The following ANKAR variants were observed in gnomAD, a reference collection of about 807,000 sequenced individuals.
ANKAR encodes ankyrin and armadillo repeat containing.
Under a neutral mutation model 146.2 loss-of-function variants are expected in ANKAR, and 136 were observed. The ratio of observed to expected loss-of-function variants is 0.93; its 90% CI spans 0.81 to 1.07. The LOEUF is 1.07. Ranked by LOEUF, ANKAR falls within the 50% of genes least tolerant of loss-of-function variation. The pLI is 0.00. For missense variants in ANKAR, 1,567 were observed against 1,679.9 expected, an observed-to-expected ratio of 0.93 and a Z score of 1.18; for synonymous variants, 500 against 575.8, an observed-to-expected ratio of 0.87 and a Z score of 1.88.
At chr2:189,679,851 G>A (rs944342891) in intron 2 of ANKAR, among the ~76,000 whole-genome samples, 13 of 152,100 alleles carry the variant, frequency 8.5e-5, no homozygotes, top group Non-Finnish European at 1.5e-4. Flanking sequence ...GTCAGATTCC[G>A]TTAGTATTTT....
chr2:189,736,499 G>GTT (rs71938893), intron 17 of ANKAR, among the ~76,000 whole-genome samples: 4,598 of 113,648 alleles, frequency 0.04, 709 homozygotes, highest in African/African-American at 0.091. Flanking sequence ...AGGTGACTGG[G>GTT]TTTTGTGTGT....
Position 189,692,377 on chromosome 2 carries a change from A to G in ANKAR, c.1162A>G (p.Ile388Val). The G allele has an allele frequency of 6.2e-7, 1 of 1,613,150 alleles. No individual in the cohort carries two copies. Among genetic ancestry groups the G allele is most frequent in the Non-Finnish European group, 8.5e-7 (1 of 1,179,714 alleles). The change falls in exon 4 of 23, where the codon ATC becomes GTC. Residue 388 changes from isoleucine to valine, a missense_variant. Transcript: ENST00000684021. ...FHVHGGIEFD[I>V]STPSIENALE... Reference sequence around the variant, plus strand: ...TGTTCATGGAGGAATTGAATTTGATATCAGCACCCCTTCAATTGAGAATGC... The same window carrying G: ...TGTTCATGGAGGAATTGAATTTGATGTCAGCACCCCTTCAATTGAGAATGC...
chr2:189,756,685 T>A (rs114115482), intron 18 of ANKAR, among the ~76,000 whole-genome samples: 5,185 of 152,262 alleles, frequency 0.034, 105 homozygotes, highest in South Asian at 0.07. Flanking sequence ...CATCTTTACT[T>A]CCTTTCTCTC....
intron 10 of ANKAR, among the ~76,000 whole-genome samples, chr2:189,719,034 C>T (rs1460474198): frequency 6.6e-6 from 1 of 152,152 alleles, no homozygotes; most frequent in Admixed American, 6.5e-5. Context: ...CAGGCGTGAG[C>T]CACCGCGCCC....
chr2:189,751,513 C>T (rs1449228323), downstream of ANKAR, among the ~76,000 whole-genome samples: 6 of 143,528 alleles, frequency 4.2e-5, no homozygotes, highest in South Asian at 2.2e-4. Context: ...GGCGTGATCT[C>T]GGCTTACTGT....
downstream of ANKAR, chr2:189,746,880 G>T: frequency 3.3e-6 from 1 of 300,520 alleles, no homozygotes; most frequent in Non-Finnish European, 6.1e-6. Context: ...TGACATGAGT[G>T]GTATAACTAG....
chr2:189,730,523 T>C lies in ANKAR; in HGVS notation c.3222T>C (p.Ser1074=). Residue 1074 remains serine, a synonymous_variant, in exon 16 of 23, where the codon AGT becomes AGC. Transcript: ENST00000684021. ...IGVAHTSNPV[S]QQLVVDENAF... ...TAGCCCATACAAGCAATCCTGTCAG[T>C]CAACAATTGGTTGTAGATGAAAATG... 1 of 1,604,646 alleles carries C rather than the reference T, an allele frequency of 6.2e-7. No individual in the cohort carries two copies. Among genetic ancestry groups the C allele is most frequent in the Non-Finnish European group, 8.5e-7 (1 of 1,174,856 alleles).
intron 7 of ANKAR, among the ~76,000 whole-genome samples, chr2:189,697,281 C>T (rs2037362600): frequency 6.6e-6 from 1 of 151,606 alleles, no homozygotes; most frequent in African/African-American, 2.4e-5. Context: ...GCCTGTAGTC[C>T]TAGCTACTCT....
chr2:189,715,929 G>A lies in ANKAR; in HGVS notation c.2225-3643G>A, dbSNP rs377341593. Reference sequence around the variant, plus strand: ...ACTCTCAATAAACTAGGTATTGATGGAATGTATCTCAAAATAATAAGAGCT... The same window carrying A: ...ACTCTCAATAAACTAGGTATTGATGAAATGTATCTCAAAATAATAAGAGCT... On this transcript the variant is annotated intron_variant, in intron 10 of 22. Transcript: ENST00000684021. Among the ~76,000 whole-genome samples, 32 of 152,276 alleles carry A rather than the reference G, an allele frequency of 2.1e-4. No individual in the cohort carries two copies. In the East Asian group the frequency reaches 5.4e-3, roughly 26 times the overall value.
chr2:189,708,710 G>A (rs1256714762), intron 9 of ANKAR, among the ~76,000 whole-genome samples: 1 of 152,090 alleles, frequency 6.6e-6, no homozygotes, highest in East Asian at 1.9e-4. Flanking sequence ...GGTTTATCAG[G>A]AAATAACCAA....
chr2:189,683,668 A>T (rs1016800209), intron 2 of ANKAR, among the ~76,000 whole-genome samples: 2 of 152,210 alleles, frequency 1.3e-5, no homozygotes, highest in African/African-American at 4.8e-5. Context: ...TTGTAATTGC[A>T]GGTACATGGT....
chr2:189,742,702 A>G (rs2043451214), intron 20 of ANKAR, among the ~76,000 whole-genome samples: 1 of 152,106 alleles, frequency 6.6e-6, no homozygotes, highest in African/African-American at 2.4e-5. Flanking sequence ...TAATTAAATA[A>G]GAGTTTCTAG....
chr2:189,720,406 C>T (rs1574612269), intron 11 of ANKAR, among the ~76,000 whole-genome samples: 2 of 152,036 alleles, frequency 1.3e-5, no homozygotes, highest in South Asian at 4.1e-4. Flanking sequence ...TGCCACCACG[C>T]CTGGCTAATT....
intron 12 of ANKAR, among the ~76,000 whole-genome samples, chr2:189,723,954 T>C (rs1158143827): frequency 6.6e-6 from 1 of 152,118 alleles, no homozygotes; most frequent in Non-Finnish European, 1.5e-5. Context: ...TAGACAGGAA[T>C]CAAATAAAGA....
chr2:189,684,724 G>A lies in ANKAR; in HGVS notation c.602-4803G>A, dbSNP rs371769686. Reference sequence around the variant, plus strand: ...TGCACGCCTGTAGTCCCAGATGCTCGGGAGGCTGAGGTGGGAAGATCACTT... The same window carrying A: ...TGCACGCCTGTAGTCCCAGATGCTCAGGAGGCTGAGGTGGGAAGATCACTT... On this transcript the variant is annotated intron_variant, in intron 2 of 22. Coordinates refer to ENST00000684021, the MANE Select transcript of ANKAR (RefSeq NM_001378068.1). Among the ~76,000 whole-genome samples the A allele has an allele frequency of 9.9e-5, 15 of 151,128 alleles. No homozygotes were observed. The East Asian group carries it at 2.6e-3, about 26-fold the overall frequency.
rs2039064491 is a variant in ANKAR at position 189,707,252 on chromosome 2, A to G, written c.2119+106A>G. On this transcript the variant is annotated intron_variant, in intron 9 of 22. Transcript: ENST00000684021. ...ATAATACATGCATTATATTTTAAAT[A>G]TTTAAAAATCATGAAATAAACATTT... 5 of 539,700 alleles carry G rather than the reference A, an allele frequency of 9.3e-6. No individual in the cohort carries two copies. The East Asian group carries it at 1.7e-4, about 19-fold the overall frequency. The allele number at this position is 539,700 out of a possible 1,614,324, so 33.4% of individuals were successfully genotyped here.
At chr2:189,751,302 A>G (rs2045161104), downstream of ANKAR, among the ~76,000 whole-genome samples, 1 of 152,182 alleles carries the variant, frequency 6.6e-6, no homozygotes, top group Non-Finnish European at 1.5e-5. Context: ...ACTGAATCAG[A>G]GGATATACTC....
chr2:189,715,111 G>C (rs1409582361), intron 10 of ANKAR, among the ~76,000 whole-genome samples: 3 of 152,168 alleles, frequency 2.0e-5, no homozygotes, highest in African/African-American at 7.2e-5. Context: ...GAAGGAGATA[G>C]AGACACAAAA....
chr2:189,733,329 T>C, intron 17 of ANKAR, 100 bp downstream of exon 17: 1 of 1,050,652 alleles, frequency 9.5e-7, no homozygotes, highest in South Asian at 2.1e-5. Context: ...ATTCAATGTA[T>C]TGTTTAAGAA....
Sources: allele counts gnomAD v4.1 joint callset (sites outside exome capture counted in the v4.1 genomes callset), GRCh38; gene constraint gnomAD v4.1.1; transcripts MANE v1.5; gene names NCBI Gene and HGNC (gene_info 2026-07-23, HGNC 2026-07-21).